The following HAO1 variants were observed in gnomAD, a reference collection of about 807,000 sequenced individuals.
The protein encoded by HAO1 is 2-Hydroxyacid oxidase 1.
HAO1 carries 34 observed loss-of-function variants against 39.7 expected under a neutral mutation model. The ratio of observed to expected loss-of-function variants is 0.86; its 90% CI spans 0.65 to 1.14. The LOEUF (loss-of-function observed/expected upper bound fraction) is 1.14. Ranked by LOEUF, HAO1 falls within the 50% of genes most tolerant of loss-of-function variation. The probability of loss-of-function intolerance (pLI) is 0.00; values close to 1 mark genes in which losing one functional copy is unlikely to be tolerated. For synonymous variants in HAO1, 172 were observed against 173.2 expected, an observed-to-expected ratio of 0.99 and a Z score of 0.05; for missense variants, 479 against 464.5, an observed-to-expected ratio of 1.03 and a Z score of -0.29.
At chr20:7,897,330 G>A (rs115415565) in intron 4 of HAO1, among the ~76,000 whole-genome samples, 27 of 152,102 alleles carry the variant, frequency 1.8e-4, no homozygotes, top group African/African-American at 5.1e-4. Context: ...ATCAGCATTC[G>A]GAAATTGTTG....
intron 3 of HAO1, among the ~76,000 whole-genome samples, chr20:7,906,593 A>C (rs187563906): frequency 2.7e-4 from 41 of 152,326 alleles, no homozygotes; most frequent in Middle Eastern, 3.4e-3. Context: ...TCAAGAAAAA[A>C]AAATGTGTTC....
At chr20:7,930,271 T>C (rs756886389) in intron 2 of HAO1, among the ~76,000 whole-genome samples, 13 of 152,116 alleles carry the variant, frequency 8.5e-5, no homozygotes, top group Non-Finnish European at 1.6e-4. Flanking sequence ...CCACAACAAA[T>C]TGCATAGATT....
At chr20:7,936,388 C>T (rs1427820699) in intron 1 of HAO1, among the ~76,000 whole-genome samples, 2 of 151,980 alleles carry the variant, frequency 1.3e-5, no homozygotes, top group Non-Finnish European at 2.9e-5. Context: ...TGAGAGAAAA[C>T]GATCTTAATA....
rs768341358 is a variant in HAO1, at chr20:7,934,522, C to T, written c.251G>A (p.Arg84His). 20 of 1,612,812 alleles carry T rather than the reference C, an allele frequency of 1.2e-5. No individual in the cohort carries two copies. Among genetic ancestry groups the T allele is most frequent in the Middle Eastern group, 1.6e-4 (1 of 6,070 alleles). The change falls in exon 2 of 8, where the codon CGC becomes CAC. Residue 84 changes from arginine (R) to histidine (H), a missense_variant. Physicochemically the swap from Arg to His is conservative, Grantham distance 29. Transcript: ENST00000378789. ...AAGCTCGCCGTCCACATGAGCCATG[C>T]GCTGCATGGCCGTAGCCCCCACACA... ...PICVGATAMQ[R>H]MAHVDGELAT...
At chr20:7,890,569 G>C (rs1019994307) in intron 5 of HAO1, among the ~76,000 whole-genome samples, 51 of 152,012 alleles carry the variant, frequency 3.4e-4, no homozygotes, top group African/African-American at 1.1e-3. Flanking sequence ...TTTTCCATAA[G>C]TTATTGGGGT....
chr20:7,906,710 T>C (rs1023639330), intron 3 of HAO1, among the ~76,000 whole-genome samples: 6 of 152,118 alleles, frequency 3.9e-5, no homozygotes, highest in Non-Finnish European at 8.8e-5. Flanking sequence ...AGCATTTTTA[T>C]GGTGCATTAT....
intron 2 of HAO1, among the ~76,000 whole-genome samples, chr20:7,928,892 A>G (rs1330457107): frequency 6.6e-6 from 1 of 152,042 alleles, no homozygotes; most frequent in African/African-American, 2.4e-5. Flanking sequence ...AAACCAGGAG[A>G]TTGTACATAG....
intron 4 of HAO1, among the ~76,000 whole-genome samples, chr20:7,902,318 A>G (rs1268233057): frequency 6.6e-6 from 1 of 152,200 alleles, no homozygotes; most frequent in East Asian, 1.9e-4. Flanking sequence ...AGAAGTTACC[A>G]CAGCCACCTT....
At chr20:7,932,648 T>A (rs923760475) in intron 2 of HAO1, among the ~76,000 whole-genome samples, 44 of 152,148 alleles carry the variant, frequency 2.9e-4, no homozygotes, top group African/African-American at 1.0e-3. Flanking sequence ...AATTAAAATA[T>A]CATTCTACAT....
chr20:7,909,360 C>CATATATATATATATATATATATATATAT (rs749171756), intron 3 of HAO1, among the ~76,000 whole-genome samples: 1 of 109,074 alleles, frequency 9.2e-6, no homozygotes, highest in Admixed American at 9.1e-5. Flanking sequence ...CGGATTATGA[C>CATATATATATATATATATATATATATAT]ATATATATAT....
chr20:7,926,328 A>G (rs142208354), intron 2 of HAO1, among the ~76,000 whole-genome samples: 3 of 152,084 alleles, frequency 2.0e-5, no homozygotes, highest in African/African-American at 4.8e-5. Flanking sequence ...GATACATGAC[A>G]GGCACTCCAC....
intron 5 of HAO1, 77 bp downstream of exon 5, chr20:7,895,056 A>G: frequency 3.4e-6 from 3 of 895,026 alleles, no homozygotes; most frequent in Non-Finnish European, 3.8e-6. Context: ...CACAGAGAGG[A>G]GGAAGACATA....
chr20:7,897,897 T>G lies in HAO1; in HGVS notation c.722-2673A>C, dbSNP rs140566634. ...CTGTTTTGTAAATTAGTTTCATTCTTGCCAAGTCCTTGTCTGGAGTGGAAA... is the reference window on the plus strand; with the variant it reads ...CTGTTTTGTAAATTAGTTTCATTCTGGCCAAGTCCTTGTCTGGAGTGGAAA... On this transcript the variant is annotated intron_variant, in intron 4 of 7. Transcript: ENST00000378789. Among the ~76,000 whole-genome samples the G allele has an allele frequency of 6.5e-3, 984 of 152,166 alleles. 5 individuals are homozygous for G. The highest frequency in any genetic ancestry group is 0.022 in the African/African-American group (914 of 41,530).
At chr20:7,937,820 A>G (rs73895447) in intron 1 of HAO1, among the ~76,000 whole-genome samples, 4,225 of 152,284 alleles carry the variant, frequency 0.028, 172 homozygotes, top group African/African-American at 0.094. Flanking sequence ...TAACCACCGT[A>G]AGAAATTTTG....
rs185444823 is a variant in HAO1 at position 7,883,608 on chromosome 20, G to C, written c.1098C>G (p.Ala366=). 15 of 1,612,474 alleles carry C rather than the reference G, an allele frequency of 9.3e-6. No homozygotes were observed. The Admixed American group carries it at 2.0e-4, about 22-fold the overall frequency. The change falls in exon 8 of 8, where the codon GCC becomes GCG. Residue 366 remains alanine (A), a synonymous_variant. Coordinates refer to ENST00000378789, the MANE Select transcript of HAO1 (RefSeq NM_017545.3). ...TTGTGCACTGTCAGATCTTGGAAACGGCCAAAGGATTTTTCCTCACCAATG... is the reference window on the plus strand; with the variant it reads ...TTGTGCACTGTCAGATCTTGGAAACCGCCAAAGGATTTTTCCTCACCAATG... ...DKTLVRKNPL[A]VSKI
chr20:7,908,052 C>T (rs1394104142), intron 3 of HAO1, among the ~76,000 whole-genome samples: 1 of 152,062 alleles, frequency 6.6e-6, no homozygotes, highest in Non-Finnish European at 1.5e-5. Flanking sequence ...TCCCCTCCAC[C>T]AGTTCTGTCA....
chr20:7,904,047 C>A (rs981078935), intron 4 of HAO1, among the ~76,000 whole-genome samples: 4 of 152,150 alleles, frequency 2.6e-5, no homozygotes, highest in African/African-American at 7.2e-5. Flanking sequence ...CACTGGAAAT[C>A]CTAGATTGAA....
intron 2 of HAO1, among the ~76,000 whole-genome samples, chr20:7,921,365 C>T (rs931658284): frequency 1.3e-5 from 2 of 152,108 alleles, no homozygotes; most frequent in Non-Finnish European, 1.5e-5. Context: ...TGCTCATCAT[C>T]TCTAATCATC....
intron 3 of HAO1, among the ~76,000 whole-genome samples, chr20:7,909,424 A>G (rs1176475169): frequency 1.4e-5 from 2 of 139,320 alleles, no homozygotes; most frequent in Non-Finnish European, 3.0e-5. Flanking sequence ...GGCTTCTGAT[A>G]ACCAAAGTAT....
Sources: allele counts gnomAD v4.1 joint callset (sites outside exome capture counted in the v4.1 genomes callset), GRCh38; gene constraint gnomAD v4.1.1; transcripts MANE v1.5; gene names NCBI Gene and HGNC (gene_info 2026-07-23, HGNC 2026-07-21).